Variants in WARS1 observed in about 807,000 individuals in gnomAD.
The protein encoded by WARS1 is tryptophanyl-tRNA synthetase 1.
WARS1 carries 17 observed loss-of-function variants against 47.8 expected under a neutral mutation model. The observed-to-expected ratio is 0.36, with a 90% CI of 0.24 to 0.53. WARS1 has a LOEUF of 0.53. Ranked by LOEUF, WARS1 falls within the 20% of genes least tolerant of loss-of-function variation. The pLI is 0.91. For missense variants in WARS1, 434 were observed against 608.0 expected (o/e 0.71, Z 3.01); for synonymous variants, 208 against 228.1 (o/e 0.91, Z 0.79).
intron 4 of WARS1, among the ~76,000 whole-genome samples, chr14:100,357,035 C>A (rs1410442904): frequency 1.3e-5 from 2 of 152,124 alleles, no homozygotes; most frequent in African/African-American, 4.8e-5. Flanking sequence ...ATACACCATA[C>A]TAATAAAATA....
At chr14:100,367,004 T>A in intron 2 of WARS1, 1 of 1,072,678 alleles carries the variant, frequency 9.3e-7, no homozygotes, top group African/African-American at 1.6e-5. Flanking sequence ...GTCTGGTTTG[T>A]CCCTTACAGA....
intron 10 of WARS1, 76 bp from the exon 11 acceptor site, chr14:100,335,112 C>T (rs1298277663): frequency 3.4e-6 from 5 of 1,485,174 alleles, no homozygotes; most frequent in Non-Finnish European, 4.6e-6. Flanking sequence ...CGGGCACCAG[C>T]TCAGCCCACA....
At chr14:100,349,440 C>T (rs1894831170) in intron 6 of WARS1, among the ~76,000 whole-genome samples, 1 of 152,170 alleles carries the variant, frequency 6.6e-6, no homozygotes, top group South Asian at 2.1e-4. Flanking sequence ...AACAAAGGAG[C>T]AGAGTGAAGA....
In WARS1 at chr14:100,369,168, G is replaced by A. The variant is rs760301057; in HGVS notation, c.18C>T (p.Pro6=). Residue 6 remains proline, a synonymous_variant, in exon 2 of 11, where the codon CCC becomes CCT. Transcript: ENST00000392882. The stretch of plus-strand genomic sequence containing the variant: ...TGTTGAACAGCTCCAGCAGAGATGC[G>A]GGCTCACTGTTGGGCATGTTTGCTA... The part of the protein sequence containing the change: MPNSE[P]ASLLELFNSI... 8 of 1,525,320 alleles carry A rather than the reference G, an allele frequency of 5.2e-6. No homozygotes were observed. The highest frequency in any genetic ancestry group is 1.2e-5 in the South Asian group (1 of 81,342). 94.5% of individuals were successfully genotyped at this position (1,525,320 alleles called of 1,614,324 possible).
At chr14:100,349,161 T>G (rs1039019197) in intron 6 of WARS1, among the ~76,000 whole-genome samples, 2 of 152,196 alleles carry the variant, frequency 1.3e-5, no homozygotes, top group Admixed American at 6.5e-5. Flanking sequence ...GATTACAACA[T>G]TTACTGAGCA....
chr14:100,348,643 G>A (rs936595236), intron 6 of WARS1, among the ~76,000 whole-genome samples: 3 of 152,108 alleles, frequency 2.0e-5, no homozygotes, highest in East Asian at 3.9e-4. Context: ...CCTGGGCACC[G>A]CAGCAGGACT....
chr14:100,346,960 C>T (rs1199212478), intron 6 of WARS1, 114 bp from the exon 7 acceptor site: 9 of 896,666 alleles, frequency 1.0e-5, no homozygotes, highest in South Asian at 7.2e-5. Context: ...GACTCGGGGC[C>T]ACATTGTGGT....
intron 2 of WARS1, chr14:100,366,939 T>A: frequency 1.3e-6 from 2 of 1,590,998 alleles, no homozygotes; most frequent in Non-Finnish European, 1.7e-6. Flanking sequence ...TACCTGGAAG[T>A]ATCATAGTGG....
At chr14:100,344,638 G>A (rs900126742) in intron 7 of WARS1, among the ~76,000 whole-genome samples, 14 of 149,852 alleles carry the variant, frequency 9.3e-5, no homozygotes, top group Non-Finnish European at 2.1e-4. Flanking sequence ...AGGAAGTGAG[G>A]AGCGCCTCTT....
chr14:100,359,468 T>C (rs2140032201), intron 4 of WARS1, among the ~76,000 whole-genome samples: 1 of 152,260 alleles, frequency 6.6e-6, no homozygotes, highest in Non-Finnish European at 1.5e-5. Context: ...TAAATCTAGA[T>C]ATAGAGAAAG....
chr14:100,339,332 C>T (rs1177632272), intron 9 of WARS1, among the ~76,000 whole-genome samples: 3 of 152,198 alleles, frequency 2.0e-5, no homozygotes, highest in Non-Finnish European at 4.4e-5. Context: ...TGGCTCACGC[C>T]TGTAATCCCA....
intron 5 of WARS1, 34 bp downstream of exon 5, chr14:100,354,413 G>T (rs779147291): frequency 4.4e-6 from 7 of 1,602,400 alleles, no homozygotes; most frequent in Non-Finnish European, 6.0e-6. Flanking sequence ...AATTCACTAA[G>T]AGAGTAAGAA....
intron 2 of WARS1, chr14:100,365,593 A>C (rs1895932633): frequency 9.9e-6 from 2 of 201,554 alleles, no homozygotes; most frequent in Admixed American, 1.2e-4. Context: ...AAAAAAAAAA[A>C]AAAAAAAGTG....
At chr14:100,360,156 G>C (rs923937796) in intron 4 of WARS1, among the ~76,000 whole-genome samples, 50 of 152,330 alleles carry the variant, frequency 3.3e-4, no homozygotes, top group African/African-American at 1.2e-3. Context: ...TTATGAGCAA[G>C]TCAATACAAT....
intron 2 of WARS1, chr14:100,366,984 T>C: frequency 7.7e-7 from 1 of 1,297,364 alleles, no homozygotes; most frequent in South Asian, 1.2e-5. Flanking sequence ...TTCTTCACTG[T>C]AGCCTACTCG....
rs1894235554 is a variant in WARS1 at position 100,342,484 on chromosome 14, G to A, written c.1027C>T (p.Leu343=). The A allele has an allele frequency of 6.2e-7, 1 of 1,613,928 alleles. No homozygotes were observed. The highest frequency in any genetic ancestry group is 8.5e-7 in the Non-Finnish European group (1 of 1,179,994). Residue 343 remains leucine (L), a synonymous_variant, in exon 9 of 11, where the codon CTG becomes TTG. Coordinates refer to ENST00000392882, the MANE Select transcript of WARS1 (RefSeq NM_004184.4). ...ALLHSTFFPA[L]QGAQTKMSAS... The stretch of plus-strand genomic sequence containing the variant: ...CTCATTTTGGTCTGGGCGCCCTGCA[G>A]GGCTGGGAAGAAGGTGGAGTGCAGC...
intron 4 of WARS1, among the ~76,000 whole-genome samples, chr14:100,356,611 T>G (rs1247586785): frequency 6.6e-6 from 1 of 151,892 alleles, no homozygotes; most frequent in African/African-American, 2.4e-5. Context: ...ATAGAAAATA[T>G]ACACAGATCT....
intron 7 of WARS1, among the ~76,000 whole-genome samples, chr14:100,346,302 T>G (rs1454003835): frequency 6.6e-6 from 1 of 152,160 alleles, no homozygotes; most frequent in African/African-American, 2.4e-5. Flanking sequence ...CCCCTCATCT[T>G]ACATGTGGGG....
intron 3 of WARS1, 88 bp downstream of exon 3, chr14:100,361,620 T>C (rs1595448706): frequency 2.2e-6 from 3 of 1,390,916 alleles, no homozygotes; most frequent in East Asian, 2.3e-5. Flanking sequence ...TATGATTAAT[T>C]CAAAATTTAA....
Sources: allele counts gnomAD v4.1 joint callset (sites outside exome capture counted in the v4.1 genomes callset), GRCh38; gene constraint gnomAD v4.1.1; transcripts MANE v1.5; gene names NCBI Gene and HGNC (gene_info 2026-07-23, HGNC 2026-07-21).